The following GPHN variants were observed in gnomAD, a reference collection of about 807,000 sequenced individuals.
The protein encoded by GPHN is gephyrin.
GPHN carries 17 observed loss-of-function variants against 95.5 expected under a neutral mutation model. The observed-to-expected ratio is 0.18, with a 90% confidence interval of 0.12 to 0.27. The LOEUF is 0.27. Ranked by LOEUF, GPHN falls within the 10% of genes least tolerant of loss-of-function variation. The pLI, the probability that GPHN is intolerant of heterozygous loss-of-function variation, is 1.00. For missense variants in GPHN, 660 were observed against 978.1 expected (o/e 0.67, Z 4.34); for synonymous variants, 320 against 322.5 (o/e 0.99, Z 0.08).
the GPHN span, chr14:67,676,982 AC>A: frequency 6.6e-6 from 1 of 152,248 alleles, no homozygotes; most frequent in Non-Finnish European, 1.5e-5. Flanking sequence ...CCATTTCTAA[AC>A]ATATAGCTTA....
At chr14:66,638,902 A>G (rs1216157225) in intron 1 of GPHN, among the ~76,000 whole-genome samples, 1 of 152,138 alleles carries the variant, frequency 6.6e-6, no homozygotes, top group Non-Finnish European at 1.5e-5. Context: ...TCAGACAACT[A>G]TCAATGTGTG....
chr14:67,440,647 G>A, the GPHN span, among the ~76,000 whole-genome samples: 2 of 152,092 alleles, frequency 1.3e-5, no homozygotes, highest in Admixed American at 6.5e-5. Flanking sequence ...AGCTACTTGG[G>A]TGGCTGAGGC....
At chr14:67,006,113 A>G (rs1209418501) in intron 9 of GPHN, among the ~76,000 whole-genome samples, 1 of 152,032 alleles carries the variant, frequency 6.6e-6, no homozygotes, top group East Asian at 1.9e-4. Context: ...ACTTGTTCTA[A>G]CTTTCCCATT....
intron 11 of GPHN, among the ~76,000 whole-genome samples, chr14:67,063,281 A>G (rs1448654419): frequency 6.6e-6 from 1 of 151,992 alleles, no homozygotes; most frequent in Non-Finnish European, 1.5e-5. Context: ...GTTCTGTTCC[A>G]TTGGTCTATA....
the GPHN span, among the ~76,000 whole-genome samples, chr14:67,398,348 G>A: frequency 1.3e-5 from 2 of 151,736 alleles, no homozygotes; most frequent in South Asian, 4.2e-4. Context: ...CCTCAGAAAG[G>A]GATCCTTTCT....
At chr14:67,030,391 T>C (rs979787463) in intron 10 of GPHN, among the ~76,000 whole-genome samples, 9 of 152,216 alleles carry the variant, frequency 5.9e-5, no homozygotes, top group Admixed American at 6.5e-5. Context: ...CATACTCCTT[T>C]AATAACATTA....
intron 16 of GPHN, among the ~76,000 whole-genome samples, chr14:67,120,140 A>AAAAAG (rs2078936884): frequency 6.6e-6 from 1 of 151,524 alleles, no homozygotes; most frequent in Non-Finnish European, 1.5e-5. Context: ...AAAAAAAAAA[A>AAAAAG]GAGGTGGGAA....
intron 11 of GPHN, among the ~76,000 whole-genome samples, chr14:67,072,171 A>G (rs1290684795): frequency 6.6e-6 from 1 of 152,130 alleles, no homozygotes; most frequent in Non-Finnish European, 1.5e-5. Flanking sequence ...TATGCAGTGG[A>G]AAAAAATGTT....
chr14:66,787,793 T>C (rs1225252090), intron 3 of GPHN, among the ~76,000 whole-genome samples: 1 of 150,956 alleles, frequency 6.6e-6, no homozygotes. Flanking sequence ...AGAATCTCAG[T>C]CTATGCCTCA....
At chr14:67,671,951 G>A in the GPHN span, among the ~76,000 whole-genome samples, 24 of 152,188 alleles carry the variant, frequency 1.6e-4, no homozygotes, top group Admixed American at 1.2e-3. Context: ...CTCTTAATGC[G>A]ATTAAAATAG....
chr14:67,283,210 C>G, the GPHN span, among the ~76,000 whole-genome samples: 1 of 152,048 alleles, frequency 6.6e-6, no homozygotes, highest in Non-Finnish European at 1.5e-5. Flanking sequence ...AGCTAAAGAA[C>G]AAAATATTTT....
the GPHN span, among the ~76,000 whole-genome samples, chr14:67,439,572 T>TCTTTCTTC: frequency 1.4e-5 from 2 of 143,570 alleles, no homozygotes; most frequent in Non-Finnish European, 3.0e-5. Context: ...TTTCTTTCTT[T>TCTTTCTTC]CTTTCTTTCT....
chr14:67,220,558 C>T, the GPHN span, among the ~76,000 whole-genome samples: 1,268 of 152,124 alleles, frequency 8.3e-3, 7 homozygotes, highest in South Asian at 0.018. Flanking sequence ...ATGTTGGAAA[C>T]TTAAACTTAT....
At chr14:67,101,873 T>C (rs1365858261) in intron 13 of GPHN, among the ~76,000 whole-genome samples, 1 of 151,270 alleles carries the variant, frequency 6.6e-6, no homozygotes, top group African/African-American at 2.4e-5. Flanking sequence ...TATTTATTTA[T>C]TTATTTATTT....
the GPHN span, chr14:67,332,734 T>A: frequency 6.4e-7 from 1 of 1,552,994 alleles, no homozygotes; most frequent in Non-Finnish European, 8.8e-7. Context: ...CTATATTATT[T>A]GGTTAGGAAA....
At chr14:67,324,945 C>T in the GPHN span, among the ~76,000 whole-genome samples, 1 of 134,472 alleles carries the variant, frequency 7.4e-6, no homozygotes, top group Admixed American at 8.5e-5. Context: ...TGCTCTGTCA[C>T]CCAGGCTGGA....
At chr14:66,607,994 A>T (rs2062618133) in intron 1 of GPHN, among the ~76,000 whole-genome samples, 1 of 145,586 alleles carries the variant, frequency 6.9e-6, no homozygotes, top group South Asian at 2.1e-4. Flanking sequence ...TCTTAATTTA[A>T]TTCAGTTCTG....
At chr14:67,138,644 T>C (rs933605679) in intron 17 of GPHN, among the ~76,000 whole-genome samples, 4 of 152,124 alleles carry the variant, frequency 2.6e-5, no homozygotes, top group African/African-American at 9.7e-5. Flanking sequence ...TGGGTGTTTG[T>C]TATACTGTTA....
At chr14:66,736,767 A>G (rs2072325051) in intron 2 of GPHN, among the ~76,000 whole-genome samples, 1 of 152,114 alleles carries the variant, frequency 6.6e-6, no homozygotes, top group Non-Finnish European at 1.5e-5. Context: ...GAACCCATAC[A>G]AAGATATTTT....
Sources: allele counts gnomAD v4.1 joint callset (sites outside exome capture counted in the v4.1 genomes callset), GRCh38; gene constraint gnomAD v4.1.1; transcripts MANE v1.5; gene names NCBI Gene and HGNC (gene_info 2026-07-23, HGNC 2026-07-21).